The following SPTBN1 variants were observed in gnomAD, a reference collection of about 807,000 sequenced individuals.
SPTBN1 encodes spectrin beta chain, non-erythrocytic 1.
In SPTBN1, 32 loss-of-function variants were observed where a neutral mutation model predicts 266.4. The observed-to-expected ratio is 0.12, with a 90% confidence interval of 0.09 to 0.16. The LOEUF (loss-of-function observed/expected upper bound fraction) is 0.16. SPTBN1 is among the 10% of genes least tolerant of loss of function. The probability of loss-of-function intolerance (pLI) is 1.00; values close to 1 mark genes in which losing one functional copy is unlikely to be tolerated. For synonymous variants in SPTBN1, 1,336 were observed against 1,162.2 expected (o/e 1.15, Z -3.04); for missense variants, 2,296 against 3,067.1 (o/e 0.75, Z 5.94).
rs374474265 is a variant in SPTBN1, at chr2:54,646,369, G to A, written c.4760G>A (p.Arg1587Gln). The change falls in exon 23 of 36, where the codon CGG (arginine) becomes CAG (glutamine). Residue 1587 changes from arginine to glutamine, a missense_variant. Arg to Gln is a conservative substitution (Grantham distance 43). Transcript: ENST00000356805. This position sits in a 1 kb window ranked among gnomAD's most constrained non-coding sequence, Gnocchi z 4.4. ...GAGGAGACAGAGAAACGCCACAGGC[G>A]GCTGGAGGAGGCGCACAGGGCCCAG... is the stretch of plus-strand genomic sequence containing the variant. Reference protein sequence around the residue: ...LIEETEKRHRRLEEAHRAQQY... With the variant: ...LIEETEKRHRQLEEAHRAQQY... 6.8e-6 allele frequency: 11 copies of A among 1,613,392 alleles called. No individual in the cohort carries two copies. Among genetic ancestry groups the A allele is most frequent in the African/African-American group, 5.3e-5 (4 of 74,854 alleles).
intron 2 of SPTBN1, among the ~76,000 whole-genome samples, chr2:54,566,974 A>G (rs1294778612): frequency 6.6e-6 from 1 of 152,242 alleles, no homozygotes; most frequent in Non-Finnish European, 1.5e-5. Context: ...AAAACTTTAA[A>G]AAATACAGGG....
intron 1 of SPTBN1, among the ~76,000 whole-genome samples, chr2:54,486,333 G>A (rs906374428): frequency 1.3e-5 from 2 of 152,084 alleles, no homozygotes; most frequent in Non-Finnish European, 2.9e-5. Context: ...TGTCTGTGTA[G>A]AAAGAAGTAG....
chr2:54,653,613 G>C lies in SPTBN1; in HGVS notation c.5582G>C (p.Arg1861Thr), dbSNP rs1289055142. The C allele has an allele frequency of 1.2e-6, 2 of 1,613,286 alleles. No homozygotes were observed. Among genetic ancestry groups the C allele is most frequent in the Non-Finnish European group, 8.5e-7 (1 of 1,179,818 alleles). The change falls in exon 27 of 36, where the codon AGG becomes ACG. Residue 1861 changes from arginine (R) to threonine (T), a missense_variant. By Grantham distance (71) the Arg-to-Thr change is moderately conservative. Around this residue, in one of 12 missense-constraint regions of SPTBN1, gnomAD observed 644 missense variants for 745.3 expected, o/e 0.86. Coordinates refer to ENST00000356805, the MANE Select transcript of SPTBN1 (RefSeq NM_003128.3). This position sits in a 1 kb window ranked among gnomAD's most constrained non-coding sequence, Gnocchi z 5.1. ...HDIQALGTQV[R>T]QLQEDAARLQ... is the part of the protein sequence containing the mutation. ...ATCCCCTACATGGCTTCACAGGTGA[G>C]GCAGCTGCAGGAGGATGCAGCCCGC...
chr2:54,554,105 G>C lies in SPTBN1; in HGVS notation c.148+27539G>C, dbSNP rs1452319344. Among the ~76,000 whole-genome samples the C allele has an allele frequency of 6.6e-6, 1 of 152,238 alleles. No individual in the cohort carries two copies. Among genetic ancestry groups the C allele is most frequent in the Non-Finnish European group, 1.5e-5 (1 of 68,042 alleles). The stretch of plus-strand genomic sequence containing the variant: ...TCCTGACTCAAAACTAAATGTTGTA[G>C]AGGTTCGTGTAGAGGCCTGCTTGGG... On this transcript the variant is annotated intron_variant, in intron 2 of 35. Transcript: ENST00000356805. The surrounding 1 kb of genome is among the most constrained non-coding windows in gnomAD (Gnocchi z 4.5).
In SPTBN1 at chr2:54,664,648, C is replaced by T; in HGVS notation, c.6616C>T (p.Arg2206Trp). Residue 2206 changes from arginine to tryptophan, a missense_variant, in exon 33 of 36, where the codon CGG (arginine) becomes TGG (tryptophan). This residue lies in a region of SPTBN1 where 347 missense variants were observed against 368.5 expected (regional missense o/e 0.94). Transcript: ENST00000356805. This position sits in a 1 kb window ranked among gnomAD's most constrained non-coding sequence, Gnocchi z 5.6. ...PSAQMEGFLN[R>W]KHEWEAHNKK... The stretch of plus-strand genomic sequence containing the variant: ...GGCCCAGATGGAAGGCTTCCTCAAT[C>T]GGAAACACGAGTGGGAGGCCCACAA... 6.2e-7 allele frequency: 1 copy of T among 1,614,122 alleles called. No homozygotes were observed. Among genetic ancestry groups the T allele is most frequent in the Non-Finnish European group, 8.5e-7 (1 of 1,180,018 alleles).
intron 1 of SPTBN1, among the ~76,000 whole-genome samples, chr2:54,480,318 T>C (rs1668034438): frequency 1.3e-5 from 2 of 152,342 alleles, no homozygotes; most frequent in Middle Eastern, 3.4e-3. Flanking sequence ...AGTTGGATTT[T>C]TCCCAGAGTA....
At chr2:54,460,128 GC>G (rs1693285126) in intron 1 of SPTBN1, among the ~76,000 whole-genome samples, 1 of 152,006 alleles carries the variant, frequency 6.6e-6, no homozygotes, top group Admixed American at 6.5e-5. Context: ...AGATTCTTAG[GC>G]CCCACTCTGA....
chr2:54,605,112 A>G (rs944794608), intron 3 of SPTBN1, among the ~76,000 whole-genome samples: 2 of 152,138 alleles, frequency 1.3e-5, no homozygotes, highest in Non-Finnish European at 1.5e-5. Context: ...CAGGCTTCAG[A>G]AAGTGTTTAC....
At chr2:54,511,723 G>T (rs991435927) in intron 1 of SPTBN1, among the ~76,000 whole-genome samples, 2 of 151,922 alleles carry the variant, frequency 1.3e-5, no homozygotes, top group Non-Finnish European at 2.9e-5. Context: ...AATTAGCCAG[G>T]TGTGGTGGTG....
intron 5 of SPTBN1, among the ~76,000 whole-genome samples, chr2:54,617,098 G>A (rs1434900031): frequency 6.6e-6 from 1 of 152,174 alleles, no homozygotes; most frequent in Non-Finnish European, 1.5e-5. Flanking sequence ...GATTCATTAT[G>A]GGTAAGTTTC....
intron 29 of SPTBN1, among the ~76,000 whole-genome samples, chr2:54,656,245 C>T (rs576418885): frequency 6.6e-6 from 1 of 152,290 alleles, no homozygotes; most frequent in East Asian, 1.9e-4. Context: ...TTAGGGATGA[C>T]AGAGGGCACC....
intron 1 of SPTBN1, among the ~76,000 whole-genome samples, chr2:54,493,301 C>G (rs148860090): frequency 6.6e-6 from 1 of 151,484 alleles, no homozygotes; most frequent in Non-Finnish European, 1.5e-5. Context: ...CCACCGCACC[C>G]GGCCTAAGGA....
intron 2 of SPTBN1, among the ~76,000 whole-genome samples, chr2:54,553,064 T>G (rs975314935): frequency 4.6e-5 from 7 of 152,216 alleles, no homozygotes; most frequent in African/African-American, 1.4e-4. Flanking sequence ...ATTGTTCTTT[T>G]GGGGGGAAAA....
intron 2 of SPTBN1, among the ~76,000 whole-genome samples, chr2:54,562,735 T>TG (rs1553447726): frequency 3.2e-4 from 48 of 149,850 alleles, no homozygotes; most frequent in Admixed American, 1.3e-3. Context: ...TGTGTGTGTG[T>TG]TTTGTAGAGA....
At chr2:54,516,386 T>C (rs984485096) in intron 1 of SPTBN1, 2 of 152,210 alleles carry the variant, frequency 1.3e-5, no homozygotes, top group African/African-American at 4.8e-5. Context: ...TGTTAGGGTT[T>C]AGAGTCATCA....
chr2:54,458,685 A>G (rs914728576), intron 1 of SPTBN1, among the ~76,000 whole-genome samples: 1 of 152,134 alleles, frequency 6.6e-6, no homozygotes, highest in African/African-American at 2.4e-5. Context: ...GACACAGGGA[A>G]TTTCCCTTCT....
intron 1 of SPTBN1, among the ~76,000 whole-genome samples, chr2:54,460,977 G>A (rs1693335719): frequency 6.6e-6 from 1 of 152,142 alleles, no homozygotes; most frequent in African/African-American, 2.4e-5. Context: ...ATTCCAACCT[G>A]GGTGACAAGA....
chr2:54,599,036 G>A, intron 2 of SPTBN1, 56 bp from the exon 3 acceptor site: 2 of 1,591,402 alleles, frequency 1.3e-6, no homozygotes, highest in Non-Finnish European at 1.7e-6. Context: ...GCTAGCATGT[G>A]CCTGCTCCTG....
Position 54,669,023 on chromosome 2 carries a change from A to T in SPTBN1, c.*454A>T, listed in dbSNP as rs982521315. 1 of 194,150 alleles carries T rather than the reference A, an allele frequency of 5.2e-6. No homozygotes were observed. The allele number at this position is 194,150 out of a possible 1,614,324, so 12.0% of individuals were successfully genotyped here. ...CTCTTGACTCTTAGAAGTGCCCGAG[A>T]TGGGGCTAACCTTTATTAAACAGAT... On this transcript the variant is annotated 3_prime_UTR_variant, in exon 36 of 36. Transcript: ENST00000356805.
Sources: allele counts gnomAD v4.1 joint callset (sites outside exome capture counted in the v4.1 genomes callset), GRCh38; gene constraint gnomAD v4.1.1; regional missense constraint gnomAD v4.1.1; non-coding constraint Gnocchi (gnomAD v3.1); transcripts MANE v1.5; gene names NCBI Gene and HGNC (gene_info 2026-07-23, HGNC 2026-07-21).